RBFOX1: variants seen among roughly 807,000 people sequenced by gnomAD.
RBFOX1 encodes RNA binding protein fox-1 homolog 1.
Under a neutral mutation model 57.7 loss-of-function variants are expected in RBFOX1, and 8 were observed. That is an observed-to-expected ratio of 0.14 (90% CI 0.08 to 0.25). The LOEUF (loss-of-function observed/expected upper bound fraction) is 0.25. Ranked by LOEUF, RBFOX1 falls within the 10% of genes least tolerant of loss-of-function variation. The probability of loss-of-function intolerance (pLI) is 1.00; values close to 1 mark genes in which losing one functional copy is unlikely to be tolerated. For missense variants in RBFOX1, 611 were observed against 548.5 expected, an observed-to-expected ratio of 1.11 and a Z score of -1.14; for synonymous variants, 326 against 222.4, an observed-to-expected ratio of 1.47 and a Z score of -4.15.
intron 3 of RBFOX1, among the ~76,000 whole-genome samples, chr16:5,630,815 T>C (rs1043503569): frequency 6.6e-6 from 1 of 152,198 alleles, no homozygotes; most frequent in African/African-American, 2.4e-5. Flanking sequence ...AGATAGAGTG[T>C]GTGGATGAGG....
intron 3 of RBFOX1, among the ~76,000 whole-genome samples, chr16:6,996,302 C>T (rs774274060): frequency 6.6e-6 from 1 of 152,078 alleles, no homozygotes; most frequent in African/African-American, 2.4e-5. Context: ...TAACACTGAA[C>T]TAGTACTGGG....
At chr16:6,278,315 G>A (rs1164730206) in intron 1 of RBFOX1, among the ~76,000 whole-genome samples, 1 of 127,192 alleles carries the variant, frequency 7.9e-6, no homozygotes, top group African/African-American at 3.0e-5. Flanking sequence ...TCCTTGCCCT[G>A]CAAGGTTCCT....
intron 2 of RBFOX1, among the ~76,000 whole-genome samples, chr16:5,529,993 GAT>G (rs2044401531): frequency 1.3e-5 from 2 of 152,108 alleles, no homozygotes; most frequent in African/African-American, 4.8e-5. Flanking sequence ...GCACACAACA[GAT>G]TCTTCCTCAC....
intron 1 of RBFOX1, among the ~76,000 whole-genome samples, chr16:6,166,341 T>C (rs1318660090): frequency 6.8e-6 from 1 of 146,526 alleles, no homozygotes; most frequent in Non-Finnish European, 1.5e-5. Context: ...GCGAATAGGC[T>C]GGCTCAGCTA....
chr16:6,036,251 C>G (rs2095363644), intron 1 of RBFOX1, among the ~76,000 whole-genome samples: 1 of 152,190 alleles, frequency 6.6e-6, no homozygotes, highest in South Asian at 2.1e-4. Context: ...AGATGGGGAA[C>G]TGAACCATCC....
chr16:7,353,896 G>A (rs939905685), intron 4 of RBFOX1, among the ~76,000 whole-genome samples: 5 of 152,158 alleles, frequency 3.3e-5, no homozygotes, highest in East Asian at 3.9e-4. Flanking sequence ...TTCTAGAATT[G>A]TACAACTATC....
At chr16:6,613,904 C>G (rs2098106966) in intron 2 of RBFOX1, among the ~76,000 whole-genome samples, 1 of 152,120 alleles carries the variant, frequency 6.6e-6, no homozygotes, top group African/African-American at 2.4e-5. Flanking sequence ...TGCCACTGCA[C>G]TCCAGCCTGG....
chr16:7,641,798 A>C (rs1413999462), intron 11 of RBFOX1, among the ~76,000 whole-genome samples: 1 of 152,194 alleles, frequency 6.6e-6, no homozygotes, highest in Non-Finnish European at 1.5e-5. Flanking sequence ...GACCTTGGCC[A>C]AGTCTCCTCG....
At chr16:6,636,595 G>A (rs979802574) in intron 2 of RBFOX1, among the ~76,000 whole-genome samples, 1 of 151,484 alleles carries the variant, frequency 6.6e-6, no homozygotes, top group African/African-American at 2.4e-5. Context: ...TTATTTTGGA[G>A]AAATAAAAAT....
At chr16:7,552,475 C>G (rs967085051) in intron 5 of RBFOX1, among the ~76,000 whole-genome samples, 14 of 152,106 alleles carry the variant, frequency 9.2e-5, no homozygotes, top group Non-Finnish European at 1.5e-4. Flanking sequence ...AGAGTTGAGT[C>G]TAATGGAACG....
At chr16:6,989,945 G>T (rs2091133956) in intron 3 of RBFOX1, among the ~76,000 whole-genome samples, 1 of 152,234 alleles carries the variant, frequency 6.6e-6, no homozygotes, top group African/African-American at 2.4e-5. Flanking sequence ...AAGTTGCAGT[G>T]AACTGAGACC....
Position 6,776,825 on chromosome 16 carries a change from G to A in RBFOX1, c.-16+122175G>A, listed in dbSNP as rs532387896. Among the ~76,000 whole-genome samples the A allele has an allele frequency of 1.7e-3, 253 of 152,184 alleles. 1 individual carries two copies. The Middle Eastern group carries it at 0.024, about 14-fold the overall frequency. ...CAAGTTACCACCTGGGAACAGAAATGCTTTGCTGTTTTATTTTTTCTTCGT... is the reference window on the plus strand; with the variant it reads ...CAAGTTACCACCTGGGAACAGAAATACTTTGCTGTTTTATTTTTTCTTCGT... On this transcript the variant is annotated intron_variant, in intron 3 of 15. Coordinates refer to ENST00000550418, the MANE Select transcript of RBFOX1 (RefSeq NM_018723.4).
intron 4 of RBFOX1, among the ~76,000 whole-genome samples, chr16:5,890,697 G>GAAAA (rs71404558): frequency 1.8e-4 from 11 of 61,486 alleles, no homozygotes; most frequent in South Asian, 8.4e-4. Flanking sequence ...AGTCTGTATT[G>GAAAA]AAAAAAAAAA....
intron 4 of RBFOX1, among the ~76,000 whole-genome samples, chr16:5,890,342 T>C (rs1050766326): frequency 6.6e-6 from 1 of 152,194 alleles, no homozygotes; most frequent in Non-Finnish European, 1.5e-5. Flanking sequence ...AAGCTAGCGA[T>C]AATTTCACAG....
At chr16:7,625,055 G>A (rs1277546447) in intron 10 of RBFOX1, among the ~76,000 whole-genome samples, 1 of 152,156 alleles carries the variant, frequency 6.6e-6, no homozygotes, top group Non-Finnish European at 1.5e-5. Flanking sequence ...GGAGGCTTGA[G>A]GAGGCGGTGT....
Position 5,692,168 on chromosome 16 carries a change from TGTGTGTGTGTGTGTGTG to T in RBFOX1, c.318+93208_318+93224del, listed in dbSNP as rs2050704328. Among the ~76,000 whole-genome samples the T allele has an allele frequency of 1.6e-3, 224 of 143,542 alleles. 2 individuals carry two copies. In the South Asian group the frequency reaches 0.016, roughly 10 times the overall value. The allele number at this position is 143,542 out of a possible 152,430, so 94.2% of individuals were successfully genotyped here. ...ACCCATGCATAATAGGGACTGACTG[TGTGTGTGTGTGTGTGTG>T]TGTGTGTGTGTGTGTGTGTGTGTGT... is the stretch of plus-strand genomic sequence containing the variant. On this transcript the variant is annotated intron_variant, in intron 3 of 19. Coordinates refer to the RBFOX1 transcript ENST00000641259.
intron 3 of RBFOX1, among the ~76,000 whole-genome samples, chr16:7,028,499 A>C (rs1276915487): frequency 2.0e-5 from 3 of 149,758 alleles, no homozygotes; most frequent in African/African-American, 7.4e-5. Flanking sequence ...AGGCAGGAGA[A>C]TCGCTTGAAC....
chr16:7,077,030 A>G (rs1199208348), intron 4 of RBFOX1, among the ~76,000 whole-genome samples: 1 of 152,192 alleles, frequency 6.6e-6, no homozygotes, highest in Non-Finnish European at 1.5e-5. Context: ...GATTTCTTGG[A>G]ACAGGGCCAT....
intron 2 of RBFOX1, among the ~76,000 whole-genome samples, chr16:6,508,017 G>A (rs2096152213): frequency 6.6e-6 from 1 of 152,132 alleles, no homozygotes; most frequent in Non-Finnish European, 1.5e-5. Context: ...TATACATGAT[G>A]GAATACTATG....
Sources: allele counts gnomAD v4.1 joint callset (sites outside exome capture counted in the v4.1 genomes callset), GRCh38; gene constraint gnomAD v4.1.1; transcripts MANE v1.5; gene names NCBI Gene and HGNC (gene_info 2026-07-23, HGNC 2026-07-21).